TP53BP1: variants seen among roughly 807,000 people sequenced by gnomAD.
TP53BP1 encodes TP53-binding protein 1.
Under a neutral mutation model 200.8 loss-of-function variants are expected in TP53BP1, and 61 were observed. That is an observed-to-expected ratio of 0.30 (90% CI 0.25 to 0.38). TP53BP1 has a LOEUF of 0.38. Among genes scored for constraint, TP53BP1 ranks in the 10% least tolerant of loss-of-function variants. The probability of loss-of-function intolerance (pLI) is 1.00; values close to 1 mark genes in which losing one functional copy is unlikely to be tolerated. For synonymous variants in TP53BP1, 822 were observed against 844.3 expected (o/e 0.97, Z 0.46); for missense variants, 2,144 against 2,371.9 (o/e 0.90, Z 2.00).
At chr15:43,446,831 G>C (rs1029149625) in intron 13 of TP53BP1, 12 of 1,461,438 alleles carry the variant, frequency 8.2e-6, no homozygotes, top group Non-Finnish European at 1.1e-5. Flanking sequence ...TGCTGCATGA[G>C]CCCTCAGCCA....
At chr15:43,408,449 C>G (rs753425033) in intron 26 of TP53BP1, 3 of 267,804 alleles carry the variant, frequency 1.1e-5, no homozygotes, top group Non-Finnish European at 2.2e-5. Context: ...CCACTGTACT[C>G]CAGCCTAGGT....
chr15:43,419,338 C>T (rs750535844), intron 21 of TP53BP1, among the ~76,000 whole-genome samples: 1 of 152,030 alleles, frequency 6.6e-6, no homozygotes, highest in Admixed American at 6.6e-5. Context: ...TATATGATAA[C>T]ATGAGAAGGG....
At chr15:43,455,459 C>T (rs1292861612) in intron 12 of TP53BP1, among the ~76,000 whole-genome samples, 1 of 152,104 alleles carries the variant, frequency 6.6e-6, no homozygotes, top group Non-Finnish European at 1.5e-5. Flanking sequence ...GGTGACTCAT[C>T]CCTGTAATCC....
intron 1 of TP53BP1, among the ~76,000 whole-genome samples, chr15:43,501,092 C>T (rs1423961715): frequency 6.6e-6 from 1 of 152,052 alleles, no homozygotes; most frequent in Non-Finnish European, 1.5e-5. Flanking sequence ...ACAATACTAC[C>T]AATTCAATAG....
In TP53BP1 at chr15:43,473,227, A is replaced by G. The variant is rs919862440; in HGVS notation, c.1180+1446T>C. On this transcript the variant is annotated intron_variant, in intron 10 of 27. Transcript: ENST00000382044. ...ATTTATTGCAAAGAGTGAAAGAACA[A>G]AGCTTCCACACTGTGGAAGGGGACC... 5.3e-5 allele frequency among the ~76,000 whole-genome samples: 8 copies of G among 152,166 alleles called. No homozygotes were observed. In the East Asian group the frequency reaches 1.5e-3, roughly 29 times the overall value.
At chr15:43,455,548 C>T (rs1237279604) in intron 12 of TP53BP1, among the ~76,000 whole-genome samples, 1 of 151,922 alleles carries the variant, frequency 6.6e-6, no homozygotes, top group African/African-American at 2.4e-5. Flanking sequence ...GGTGAAACCC[C>T]ATCTCTACTA....
upstream of TP53BP1, among the ~76,000 whole-genome samples, chr15:43,495,547 G>A (rs2079178034): frequency 7.0e-6 from 1 of 141,962 alleles, no homozygotes; most frequent in Admixed American, 7.2e-5. Context: ...GCCAGGTGCG[G>A]TAGCTCACGC....
chr15:43,494,062 C>T (rs1455768386), upstream of TP53BP1, among the ~76,000 whole-genome samples: 1 of 152,008 alleles, frequency 6.6e-6, no homozygotes, highest in Non-Finnish European at 1.5e-5. Flanking sequence ...CCCCATGTGG[C>T]ATATGTGTTT....
At chr15:43,486,965 T>A (rs1427812041) in intron 4 of TP53BP1, among the ~76,000 whole-genome samples, 1 of 152,154 alleles carries the variant, frequency 6.6e-6, no homozygotes, top group African/African-American at 2.4e-5. Context: ...TATTATTCTG[T>A]TAAAAATATT....
chr15:43,483,161 A>C (rs2078997820), intron 4 of TP53BP1, among the ~76,000 whole-genome samples: 1 of 151,698 alleles, frequency 6.6e-6, no homozygotes, highest in Non-Finnish European at 1.5e-5. Flanking sequence ...TGAAGTATTT[A>C]AGGGGACATT....
In TP53BP1 at chr15:43,443,420, G is replaced by A. The variant is rs192356239; in HGVS notation, c.3041-1837C>T. ...TCAAAAACAAAGGGTGGCCAGGCAC[G>A]GTGGCTCACTCATGTAATCCCAATA... On this transcript the variant is annotated intron_variant, in intron 14 of 27. Coordinates refer to ENST00000382044, the MANE Select transcript of TP53BP1 (RefSeq NM_001141980.3). 1.2e-4 allele frequency among the ~76,000 whole-genome samples: 18 copies of A among 152,284 alleles called. No individual in the cohort carries two copies. The East Asian group carries it at 2.5e-3, about 21-fold the overall frequency.
chr15:43,493,887 T>C (rs747112036), upstream of TP53BP1, among the ~76,000 whole-genome samples: 10 of 152,190 alleles, frequency 6.6e-5, no homozygotes, highest in Non-Finnish European at 1.2e-4. Flanking sequence ...ATTGAGAGAA[T>C]TGAGCACTGT....
intron 14 of TP53BP1, 85 bp from the exon 15 acceptor site, chr15:43,441,668 T>C: frequency 3.7e-6 from 3 of 821,658 alleles, no homozygotes; most frequent in Middle Eastern, 2.3e-4. Flanking sequence ...TCTGCTCTAC[T>C]AGTATTTGCA....
intron 21 of TP53BP1, among the ~76,000 whole-genome samples, chr15:43,418,638 G>A (rs1311895031): frequency 2.0e-5 from 3 of 152,014 alleles, no homozygotes; most frequent in Non-Finnish European, 2.9e-5. Context: ...TATTTCCATA[G>A]AAAGGAGACA....
Position 43,456,842 on chromosome 15 carries a change from T to C in TP53BP1, c.1766A>G (p.Asp589Gly), listed in dbSNP as rs1167788860. 1 of 1,613,894 alleles carries C rather than the reference T, an allele frequency of 6.2e-7. No homozygotes were observed. The highest frequency in any genetic ancestry group is 1.3e-5 in the African/African-American group (1 of 74,948). The change falls in exon 12 of 28, where the codon GAC becomes GGC. Residue 589 changes from aspartate (D) to glycine (G), a missense_variant. Asp to Gly is a moderately conservative substitution (Grantham distance 94). Transcript: ENST00000382044. ...DGEVQLSQND[D>G]KTKGDDTDTR... is the part of the protein sequence containing the mutation. ...GTCTGTATCATCTCCCTTTGTTTTG[T>C]CATCATTCTGACTCAGTTGTACTTC...
At chr15:43,483,272 AG>A (rs1429916979) in intron 4 of TP53BP1, among the ~76,000 whole-genome samples, 1 of 151,450 alleles carries the variant, frequency 6.6e-6, no homozygotes, top group Non-Finnish European at 1.5e-5. Context: ...ACACACACAC[AG>A]AACAAATGTA....
At chr15:43,444,417 C>T (rs2045996299) in intron 14 of TP53BP1, among the ~76,000 whole-genome samples, 2 of 152,110 alleles carry the variant, frequency 1.3e-5, no homozygotes. Flanking sequence ...GGCAATAAGC[C>T]CTTATTTATT....
At chr15:43,452,833 T>A (rs1175655513) in intron 12 of TP53BP1, among the ~76,000 whole-genome samples, 1 of 152,126 alleles carries the variant, frequency 6.6e-6, no homozygotes, top group East Asian at 1.9e-4. Context: ...TAAACAAGAA[T>A]TCATGAAGAA....
chr15:43,473,259 G>T (rs894466487), intron 10 of TP53BP1, among the ~76,000 whole-genome samples: 12 of 152,138 alleles, frequency 7.9e-5, no homozygotes, highest in African/African-American at 2.9e-4. Flanking sequence ...GACCCGAGCG[G>T]GTTGCCACTG....
Sources: gnomAD v4.1 joint callset for allele counts (sites outside exome capture counted in the v4.1 genomes callset) on GRCh38, gnomAD v4.1.1 for gene constraint, MANE v1.5 for transcripts, NCBI Gene and HGNC (gene_info 2026-07-23, HGNC 2026-07-21) for gene names.